The following TRABD2B variants were observed in gnomAD, a reference collection of about 807,000 sequenced individuals.
The protein encoded by TRABD2B is TraB domain containing 2B.
Under a neutral mutation model 40.1 loss-of-function variants are expected in TRABD2B, and 14 were observed. The ratio of observed to expected loss-of-function variants is 0.35; its 90% CI spans 0.23 to 0.55. The LOEUF is 0.55. TRABD2B is among the 20% of genes least tolerant of loss of function. TRABD2B has a pLI of 0.90. For synonymous variants in TRABD2B, 263 were observed against 277.0 expected (o/e 0.95, Z 0.50); for missense variants, 541 against 648.6 (o/e 0.83, Z 1.80).
intron 2 of TRABD2B, among the ~76,000 whole-genome samples, chr1:47,953,405 GC>G (rs1645374472): frequency 6.6e-6 from 1 of 152,108 alleles, no homozygotes; most frequent in African/African-American, 2.4e-5. Context: ...ACACAGTTTT[GC>G]CCTAAATACT....
intron 4 of TRABD2B, among the ~76,000 whole-genome samples, 198 bp downstream of exon 4, chr1:47,794,388 G>A (rs3738313): frequency 0.043 from 6,563 of 152,184 alleles, 276 homozygotes; most frequent in East Asian, 0.19. Context: ...CCCCTTTCCC[G>A]TGGGGACCGT....
intron 2 of TRABD2B, among the ~76,000 whole-genome samples, chr1:47,917,736 A>G (rs1644848914): frequency 1.3e-5 from 2 of 152,082 alleles, no homozygotes; most frequent in Non-Finnish European, 2.9e-5. Flanking sequence ...ACTGTCTCAA[A>G]AAAGAAAAGA....
intron 2 of TRABD2B, among the ~76,000 whole-genome samples, chr1:47,835,813 A>T (rs1645310670): frequency 6.6e-6 from 1 of 152,368 alleles, no homozygotes; most frequent in African/African-American, 2.4e-5. Context: ...CAGCGACATA[A>T]ACCCAGGAAG....
At chr1:47,845,190 C>T (rs937876239) in intron 2 of TRABD2B, among the ~76,000 whole-genome samples, 30 of 152,166 alleles carry the variant, frequency 2.0e-4, no homozygotes, top group Admixed American at 5.2e-4. Flanking sequence ...CTTCCCACCC[C>T]TTTTTCTGCC....
At chr1:47,935,872 A>G (rs1325930080) in intron 2 of TRABD2B, among the ~76,000 whole-genome samples, 1 of 152,268 alleles carries the variant, frequency 6.6e-6, no homozygotes, top group African/African-American at 2.4e-5. Context: ...AGCCACAGAA[A>G]AAAAGAGCTT....
intron 2 of TRABD2B, among the ~76,000 whole-genome samples, chr1:47,878,172 C>T (rs1182823882): frequency 6.6e-6 from 1 of 151,972 alleles, no homozygotes; most frequent in Non-Finnish European, 1.5e-5. Flanking sequence ...AAAAATTAGC[C>T]AGGTGTGGTG....
Position 47,994,689 on chromosome 1 carries a change from G to T in TRABD2B, c.103-92C>A. The T allele has an allele frequency of 1.7e-6, 2 of 1,178,536 alleles. No homozygotes were observed. Among genetic ancestry groups the T allele is most frequent in the Non-Finnish European group, 2.4e-6 (2 of 850,646 alleles). 73.0% of individuals were successfully genotyped at this position (1,178,536 alleles called of 1,614,324 possible). ...GAGGCACGTTGCAGAGGGAGGTGGGGATGGGAGGCAGAGACCATACACAGG... is the reference window on the plus strand; with the variant it reads ...GAGGCACGTTGCAGAGGGAGGTGGGTATGGGAGGCAGAGACCATACACAGG... On this transcript the variant is annotated intron_variant, in intron 1 of 6. Transcript: ENST00000606738. This position sits in a 1 kb window ranked among gnomAD's most constrained non-coding sequence, Gnocchi z 6.7.
intron 2 of TRABD2B, among the ~76,000 whole-genome samples, chr1:47,910,462 CAATT>C (rs1316819729): frequency 1.3e-5 from 2 of 152,080 alleles, no homozygotes; most frequent in Non-Finnish European, 2.9e-5. Flanking sequence ...GAAACAGTCA[CAATT>C]AACCAACAAA....
chr1:47,775,053 C>T (rs544814590), intron 6 of TRABD2B, 117 bp downstream of exon 6: 7 of 1,048,020 alleles, frequency 6.7e-6, no homozygotes, highest in East Asian at 6.5e-5. Flanking sequence ...CCACCTGCCA[C>T]ACTTCCTTAG....
At chr1:47,925,598 C>T (rs1644958859) in intron 2 of TRABD2B, among the ~76,000 whole-genome samples, 1 of 152,206 alleles carries the variant, frequency 6.6e-6, no homozygotes, top group Non-Finnish European at 1.5e-5. Context: ...CCATTTCACA[C>T]AGTGCTGAAG....
chr1:47,835,129 G>A (rs573701945), intron 2 of TRABD2B, among the ~76,000 whole-genome samples: 1 of 152,216 alleles, frequency 6.6e-6, no homozygotes, highest in African/African-American at 2.4e-5. Context: ...TTCACATATT[G>A]TATAGTTGAA....
chr1:47,950,026 C>G (rs992516209), intron 2 of TRABD2B, among the ~76,000 whole-genome samples: 2 of 152,146 alleles, frequency 1.3e-5, no homozygotes, highest in Non-Finnish European at 2.9e-5. Context: ...TGGCTCACGC[C>G]TGTAATCCCA....
Position 47,996,615 on chromosome 1 carries a change from G to A in TRABD2B, c.102+73C>T. ...CGGGCTAAGGTGGGTGCGGAAGCAG[G>A]ACCCAAACCATGGTCCCACGGGACT... On this transcript the variant is annotated intron_variant, in intron 1 of 6. Coordinates refer to ENST00000606738, the MANE Select transcript of TRABD2B (RefSeq NM_001194986.2). This position sits in a 1 kb window ranked among gnomAD's most constrained non-coding sequence, Gnocchi z 4.6. 3.3e-6 allele frequency: 4 copies of A among 1,206,202 alleles called. No individual in the cohort carries two copies. The highest frequency in any genetic ancestry group is 4.1e-6 in the Non-Finnish European group (4 of 969,770). The allele number at this position is 1,206,202 out of a possible 1,614,324, so 74.7% of individuals were successfully genotyped here. A position where few individuals can be genotyped will look rare whatever the true frequency, so the allele number is the denominator to read the frequency against.
intron 2 of TRABD2B, among the ~76,000 whole-genome samples, chr1:47,992,501 G>C (rs1280510266): frequency 6.6e-6 from 1 of 152,202 alleles, no homozygotes; most frequent in Non-Finnish European, 1.5e-5. Flanking sequence ...GGTGCAAAGA[G>C]AGTGTTGAGA....
intron 2 of TRABD2B, among the ~76,000 whole-genome samples, chr1:47,926,154 A>T (rs923679745): frequency 1.3e-5 from 2 of 152,234 alleles, no homozygotes; most frequent in African/African-American, 2.4e-5. Flanking sequence ...TATTTTAGGT[A>T]AATCATATGT....
chr1:47,973,783 A>T (rs902399136), intron 2 of TRABD2B, among the ~76,000 whole-genome samples: 2 of 152,164 alleles, frequency 1.3e-5, no homozygotes, highest in Non-Finnish European at 2.9e-5. Context: ...CATTTTGCAT[A>T]CCACAGGCAA....
chr1:47,875,592 T>C (rs1355407007), intron 2 of TRABD2B, among the ~76,000 whole-genome samples: 1 of 136,490 alleles, frequency 7.3e-6, no homozygotes, highest in Non-Finnish European at 1.5e-5. Flanking sequence ...AAGGCTGAGG[T>C]GGGGGCATCA....
intron 2 of TRABD2B, among the ~76,000 whole-genome samples, chr1:47,859,630 C>A (rs1478584844): frequency 1.3e-5 from 2 of 152,184 alleles, no homozygotes; most frequent in Non-Finnish European, 2.9e-5. Context: ...CAGAGCATGC[C>A]TTAGCTGCTG....
At chr1:47,911,399 T>C (rs556394344) in intron 2 of TRABD2B, among the ~76,000 whole-genome samples, 2 of 152,270 alleles carry the variant, frequency 1.3e-5, no homozygotes, top group Non-Finnish European at 2.9e-5. Context: ...GCCTTTCCTA[T>C]GACAGAAAGA....
Sources: gnomAD v4.1 joint callset for allele counts (sites outside exome capture counted in the v4.1 genomes callset) on GRCh38, gnomAD v4.1.1 for gene constraint, Gnocchi (gnomAD v3.1) non-coding constraint, MANE v1.5 for transcripts, NCBI Gene and HGNC (gene_info 2026-07-23, HGNC 2026-07-21) for gene names.